STK11IP: variants seen among roughly 807,000 people sequenced by gnomAD.
The protein encoded by STK11IP is serine/threonine-protein kinase 11-interacting protein.
A neutral mutation model predicts 131.7 loss-of-function variants in STK11IP; 103 were observed. The observed-to-expected ratio is 0.78, with a 90% CI of 0.67 to 0.92. STK11IP has a LOEUF of 0.92. STK11IP is among the 40% of genes least tolerant of loss of function. The pLI is 0.00. For synonymous variants in STK11IP, 557 were observed against 575.6 expected (o/e 0.97, Z 0.46); for missense variants, 1,315 against 1,385.7 (o/e 0.95, Z 0.81).
chr2:219,612,361 C>T (rs1229334452), intron 19 of STK11IP, among the ~76,000 whole-genome samples: 1 of 152,248 alleles, frequency 6.6e-6, no homozygotes, highest in Non-Finnish European at 1.5e-5. Context: ...TTATTATAAA[C>T]ACATGATGTC....
At chr2:219,598,244 G>A (rs1697862581) in intron 2 of STK11IP, 64 bp downstream of exon 2, 1 of 1,251,670 alleles carries the variant, frequency 8.0e-7, no homozygotes, top group African/African-American at 1.5e-5. Flanking sequence ...GTGCTTTCTG[G>A]AGACACGCCC....
chr2:219,611,913 G>C (rs368129864), intron 18 of STK11IP, 42 bp from the exon 19 acceptor site: 930 of 1,571,630 alleles, frequency 5.9e-4, no homozygotes, highest in Non-Finnish European at 7.5e-4. Flanking sequence ...ATGGAGCCCA[G>C]GGGCTGCCAT....
chr2:219,615,171 C>G lies in STK11IP; in HGVS notation c.2947C>G (p.Pro983Ala), dbSNP rs1317400410. ...GTTAGATGAGGATGCTGCAGGGTCC[C>G]CGGCAGAGCCCTCTCCTCCAGCAGC... ...FLLDEDAAGS[P>A]AEPSPPAASG... is the part of the protein sequence containing the mutation. The change falls in exon 24 of 25, where the codon CCG becomes GCG. Residue 983 changes from proline (P) to alanine (A), a missense_variant. By Grantham distance (27) the Pro-to-Ala change is conservative. Transcript: ENST00000456909. The G allele has an allele frequency of 1.2e-6, 2 of 1,601,410 alleles. No individual in the cohort carries two copies. Among genetic ancestry groups the G allele is most frequent in the African/African-American group, 2.7e-5 (2 of 74,726 alleles).
chr2:219,606,237 C>T lies in STK11IP; in HGVS notation c.892C>T (p.Arg298Ter), dbSNP rs781224134. 15 of 1,572,094 alleles carry T rather than the reference C, an allele frequency of 9.5e-6. No homozygotes were observed. Among genetic ancestry groups the T allele is most frequent in the South Asian group, 2.3e-5 (2 of 85,686 alleles). The change falls in exon 10 of 25, where the codon CGA becomes TGA. Residue 298 changes from arginine (R) to a stop codon, truncating the protein, a stop_gained. Coordinates refer to ENST00000456909, the MANE Select transcript of STK11IP (RefSeq NM_052902.4). LOFTEE classifies it high-confidence loss of function. ...CCCTCTTTGGTTCCACCCTGAGCACCGAGCAGCCACTGCCCAGTACTTGTC... is the reference window on the plus strand; with the variant it reads ...CCCTCTTTGGTTCCACCCTGAGCACTGAGCAGCCACTGCCCAGTACTTGTC... ...GNPLWFHPEHRAATAQYLSPR... is the reference protein window; with the variant it reads ...GNPLWFHPEH
intron 17 of STK11IP, among the ~76,000 whole-genome samples, chr2:219,610,297 C>G (rs1306288508): frequency 6.6e-6 from 1 of 152,242 alleles, no homozygotes; most frequent in African/African-American, 2.4e-5. Flanking sequence ...CCCCCAGCCC[C>G]TCCCGGACCC....
rs1247039181 is a variant in STK11IP, at chr2:219,614,150, C to A, written c.2717-11C>A. 10 of 1,613,270 alleles carry A rather than the reference C, an allele frequency of 6.2e-6. No homozygotes were observed. The highest frequency in any genetic ancestry group is 8.5e-6 in the Non-Finnish European group (10 of 1,179,676). On this transcript the variant is annotated splice_polypyrimidine_tract_variant and intron_variant, in intron 21 of 24. Transcript: ENST00000456909. ...GAGCCTTCTAAAGTTCCCTGGCCTG[C>A]CTCTGTCTAGATGTCTTGCAGTCTC...
At chr2:219,608,930 T>C (rs1190624752) in intron 15 of STK11IP, 142 bp downstream of exon 15, 1 of 1,141,072 alleles carries the variant, frequency 8.8e-7, no homozygotes, top group Non-Finnish European at 1.2e-6. Flanking sequence ...TTGCAAGCAC[T>C]CGGGAAGCTG....
rs1244005076 is a variant in STK11IP, at chr2:219,602,008, C to T, written c.363C>T (p.His121=). The T allele has an allele frequency of 1.2e-6, 2 of 1,611,792 alleles. No homozygotes were observed. Among genetic ancestry groups the T allele is most frequent in the Non-Finnish European group, 1.7e-6 (2 of 1,179,092 alleles). ...CCCAGCTCCGAGGTGTTCCCCTCCACTGTCTGCATGGCCTCCGAGGCATCT... is the reference window on the plus strand; with the variant it reads ...CCCAGCTCCGAGGTGTTCCCCTCCATTGTCTGCATGGCCTCCGAGGCATCT... ...RHLELRGVPL[H]CLHGLRGIYS... The change falls in exon 5 of 25, where the codon CAC becomes CAT. Residue 121 remains histidine (H), a synonymous_variant. Transcript: ENST00000456909.
chr2:219,614,475 G>A lies in STK11IP; in HGVS notation c.2799-1G>A, dbSNP rs764700762. 3.7e-6 allele frequency: 6 copies of A among 1,613,624 alleles called. No homozygotes were observed. The highest frequency in any genetic ancestry group is 4.2e-6 in the Non-Finnish European group (5 of 1,179,852). ...TCCTGTGCCTGCCATATTCCCTCTA[G>A]GCCATTGCTGGAAAAAGACTCATCC... On this transcript the variant is annotated splice_acceptor_variant, in intron 22 of 24. Coordinates refer to ENST00000456909, the MANE Select transcript of STK11IP (RefSeq NM_052902.4). LOFTEE classifies it high-confidence loss of function.
chr2:219,598,091 C>G lies in STK11IP; in HGVS notation c.-26-3C>G, dbSNP rs1284775981. The G allele has an allele frequency of 1.3e-6, 2 of 1,584,432 alleles. No homozygotes were observed. The highest frequency in any genetic ancestry group is 2.7e-5 in the African/African-American group (2 of 73,592). On this transcript the variant is annotated splice_region_variant and splice_polypyrimidine_tract_variant and intron_variant, in intron 1 of 24. Transcript: ENST00000456909. Reference sequence around the variant, plus strand: ...CTCTTCCGCTTCCTCTTTCCCCCCCCAGGCTCCGCCCCCCAGCGTCCCGTG... The same window carrying G: ...CTCTTCCGCTTCCTCTTTCCCCCCCGAGGCTCCGCCCCCCAGCGTCCCGTG...
chr2:219,616,120 G>T lies in STK11IP; in HGVS notation c.3194G>T (p.Arg1065Leu), dbSNP rs756114545. 6.2e-7 allele frequency: 1 copy of T among 1,613,816 alleles called. No homozygotes were observed. The highest frequency in any genetic ancestry group is 1.1e-5 in the South Asian group (1 of 91,078). Residue 1065 changes from arginine (R) to leucine (L), a missense_variant, in exon 25 of 25, where the codon CGG becomes CTG. Arg to Leu is a moderately radical substitution (Grantham distance 102). Coordinates refer to ENST00000456909, the MANE Select transcript of STK11IP (RefSeq NM_052902.4). ...CTGACAGCCCTGCTTGCCTGGATCC[G>T]GGAACCATGGGAGGAGCTGTTTTCC... ...EQLTALLAWI[R>L]EPWEELFSIG...
intron 16 of STK11IP, 53 bp from the exon 17 acceptor site, chr2:219,609,310 T>G (rs1574625405): frequency 6.3e-7 from 1 of 1,592,774 alleles, no homozygotes; most frequent in Non-Finnish European, 8.6e-7. Context: ...CTGTGGGAGG[T>G]GTCCGTCTGG....
intron 2 of STK11IP, among the ~76,000 whole-genome samples, chr2:219,599,969 C>G (rs1697926088): frequency 1.3e-5 from 2 of 151,292 alleles, no homozygotes; most frequent in Non-Finnish European, 2.9e-5. Flanking sequence ...AACTCCGGAC[C>G]TCGTGATCCA....
chr2:219,613,211 G>A lies in STK11IP; in HGVS notation c.2523G>A (p.Val841=). 1 of 1,598,840 alleles carries A rather than the reference G, an allele frequency of 6.3e-7. No homozygotes were observed. Among genetic ancestry groups the A allele is most frequent in the Non-Finnish European group, 8.5e-7 (1 of 1,171,298 alleles). Residue 841 remains valine (V), a synonymous_variant, in exon 20 of 25, where the codon GTG becomes GTA. Coordinates refer to ENST00000456909, the MANE Select transcript of STK11IP (RefSeq NM_052902.4). ...VSDRRLYLLK[V]TGEMREPPAS... is the part of the protein sequence containing the mutation. ...ACCGCAGGCTGTACCTGTTGAAGGT[G>A]ACTGGGGAGATGCGGTGAGTGAGAG... is the stretch of plus-strand genomic sequence containing the variant.
rs1698491837 is a variant in STK11IP, at chr2:219,613,940, G to T, written c.2716+10G>T. 1 of 1,572,102 alleles carries T rather than the reference G, an allele frequency of 6.4e-7. No individual in the cohort carries two copies. Among genetic ancestry groups the T allele is most frequent in the South Asian group, 1.2e-5 (1 of 86,576 alleles). On this transcript the variant is annotated intron_variant, in intron 21 of 24. Coordinates refer to ENST00000456909, the MANE Select transcript of STK11IP (RefSeq NM_052902.4). ...CTAGAGGAGCTCCTTGGTGAGAGAG[G>T]GGAGGGGAAGGCAGGAGGGTGGGCA...
In STK11IP at chr2:219,613,144, C is replaced by G. The variant is rs772585808; in HGVS notation, c.2456C>G (p.Ala819Gly). 3.1e-6 allele frequency: 5 copies of G among 1,611,410 alleles called. No individual in the cohort carries two copies. The African/African-American group carries it at 6.7e-5, about 22-fold the overall frequency. Residue 819 changes from alanine to glycine, a missense_variant, in exon 20 of 25, where the codon GCA becomes GGA. Coordinates refer to ENST00000456909, the MANE Select transcript of STK11IP (RefSeq NM_052902.4). Reference sequence around the variant, plus strand: ...TTCCCCCAGGTGCCAGTGGCATTGGCAGGCCACACTGGGGAGTTCATGTGC... The same window carrying G: ...TTCCCCCAGGTGCCAGTGGCATTGGGAGGCCACACTGGGGAGTTCATGTGC... Reference protein sequence around the residue: ...QCCLKVPVALAGHTGEFMCLV... With the variant: ...QCCLKVPVALGGHTGEFMCLV...
rs906299774 is a variant in STK11IP at position 219,601,399 on chromosome 2, C to T, written c.226C>T (p.Gln76Ter). ...CGACTCCCCTGTTATTCTTCAGCTTCAGTTTCTCTTCGATGTGCTGCAGAA... is the reference window on the plus strand; with the variant it reads ...CGACTCCCCTGTTATTCTTCAGCTTTAGTTTCTCTTCGATGTGCTGCAGAA... ...PADSPVILQL[Q>*]FLFDVLQKTL... is the part of the protein sequence containing the mutation. The change falls in exon 3 of 25, where the codon CAG becomes TAG. Residue 76 changes from glutamine to a stop codon, truncating the protein, a stop_gained. Transcript: ENST00000456909. LOFTEE classifies it high-confidence loss of function. 6.2e-7 allele frequency: 1 copy of T among 1,614,078 alleles called. No individual in the cohort carries two copies. Among genetic ancestry groups the T allele is most frequent in the African/African-American group, 1.3e-5 (1 of 75,068 alleles).
intron 5 of STK11IP, 140 bp from the exon 6 acceptor site, chr2:219,602,328 A>G: frequency 1.4e-6 from 1 of 693,190 alleles, no homozygotes; most frequent in Non-Finnish European, 2.4e-6. Context: ...TTCTTGGGTC[A>G]GGGACCTGGG....
intron 19 of STK11IP, among the ~76,000 whole-genome samples, chr2:219,612,354 T>C (rs1033679670): frequency 6.6e-6 from 1 of 152,220 alleles, no homozygotes; most frequent in Non-Finnish European, 1.5e-5. Context: ...CCTAGCATTA[T>C]TATAAACACA....
Sources: allele counts gnomAD v4.1 joint callset (sites outside exome capture counted in the v4.1 genomes callset), GRCh38; gene constraint gnomAD v4.1.1; transcripts MANE v1.5; gene names NCBI Gene and HGNC (gene_info 2026-07-23, HGNC 2026-07-21).